MCM10: variants seen among roughly 807,000 people sequenced by gnomAD.
The protein encoded by MCM10 is minichromosome maintenance 10 replication initiation factor.
In MCM10, 91 loss-of-function variants were observed where a neutral mutation model predicts 109.9. The ratio of observed to expected loss-of-function variants is 0.83; its 90% confidence interval spans 0.70 to 0.99. MCM10 has a LOEUF of 0.99. Among genes scored for constraint, MCM10 ranks in the 50% least tolerant of loss-of-function variants. MCM10 has a pLI of 0.00. For missense variants in MCM10, 1,077 were observed against 1,061.2 expected (o/e 1.01, Z -0.21); for synonymous variants, 380 against 387.2 (o/e 0.98, Z 0.22).
At chr10:13,171,499 T>C (rs561864866) in intron 3 of MCM10, among the ~76,000 whole-genome samples, 1 of 152,344 alleles carries the variant, frequency 6.6e-6, no homozygotes, top group Admixed American at 6.5e-5. Flanking sequence ...CTGTACGGAA[T>C]GGCTCTGAAA....
chr10:13,209,159 G>T lies in MCM10; in HGVS notation c.2541+26G>T, dbSNP rs191376801. 10 of 1,609,704 alleles carry T rather than the reference G, an allele frequency of 6.2e-6. No homozygotes were observed. Among genetic ancestry groups the T allele is most frequent in the Admixed American group, 5.0e-5 (3 of 59,978 alleles). ...GTATGCCATTTGCGTACTAATTTTT[G>T]ACTCCTTTTAGTGACCCATGCTAAT... On this transcript the variant is annotated intron_variant, in intron 19 of 19. Transcript: ENST00000378714.
chr10:13,176,287 A>T (rs966474033), intron 6 of MCM10, among the ~76,000 whole-genome samples: 1 of 152,224 alleles, frequency 6.6e-6, no homozygotes, highest in Non-Finnish European at 1.5e-5. Context: ...AATATATTCC[A>T]AGCTCAATCC....
chr10:13,165,520 A>G (rs1397173980), intron 2 of MCM10, among the ~76,000 whole-genome samples: 2 of 152,220 alleles, frequency 1.3e-5, no homozygotes, highest in Non-Finnish European at 2.9e-5. Context: ...GTGAATGGAT[A>G]CCTGTTCTCT....
Position 13,192,954 on chromosome 10 carries a change from C to T in MCM10, c.1745+386C>T, listed in dbSNP as rs115659552. ...CAGCTGAAGTGCAATGCTGCAGTGTCGGCTCACTGCAACCTCCATGTCCCA... is the reference window on the plus strand; with the variant it reads ...CAGCTGAAGTGCAATGCTGCAGTGTTGGCTCACTGCAACCTCCATGTCCCA... On this transcript the variant is annotated intron_variant, in intron 13 of 19. Coordinates refer to ENST00000378714, the MANE Select transcript of MCM10 (RefSeq NM_018518.5). Among the ~76,000 whole-genome samples the T allele has an allele frequency of 3.3e-3, 502 of 151,874 alleles. 2 individuals carry two copies. The highest frequency in any genetic ancestry group is 0.011 in the African/African-American group (470 of 41,404).
chr10:13,192,614 A>C, intron 13 of MCM10, 46 bp downstream of exon 13: 1 of 1,544,032 alleles, frequency 6.5e-7, no homozygotes, highest in Non-Finnish European at 8.9e-7. Flanking sequence ...CATCCATCTC[A>C]GGCGTCCTCA....
chr10:13,203,715 G>A (rs1426564331), intron 17 of MCM10, among the ~76,000 whole-genome samples: 1 of 152,162 alleles, frequency 6.6e-6, no homozygotes, highest in Non-Finnish European at 1.5e-5. Flanking sequence ...AATTAAAAGT[G>A]AATTCCTCAA....
At chr10:13,207,705 C>T (rs547111614) in intron 18 of MCM10, among the ~76,000 whole-genome samples, 74 of 152,282 alleles carry the variant, frequency 4.9e-4, no homozygotes, top group Admixed American at 2.6e-3. Context: ...TCTTGCCTGC[C>T]GCCATGTAAG....
intron 6 of MCM10, among the ~76,000 whole-genome samples, chr10:13,179,380 GC>G (rs1476943733): frequency 1.3e-5 from 2 of 152,166 alleles, no homozygotes; most frequent in African/African-American, 2.4e-5. Flanking sequence ...GGTTCAGGCA[GC>G]TGACATACAC....
intron 14 of MCM10, among the ~76,000 whole-genome samples, chr10:13,196,931 T>A (rs1376277712): frequency 6.6e-6 from 1 of 151,246 alleles, no homozygotes; most frequent in Non-Finnish European, 1.5e-5. Flanking sequence ...TCTTTTTTTG[T>A]GTGTTTGTTT....
chr10:13,178,926 T>C (rs1834175035), intron 6 of MCM10, among the ~76,000 whole-genome samples: 1 of 152,214 alleles, frequency 6.6e-6, no homozygotes, highest in African/African-American at 2.4e-5. Flanking sequence ...TTTCACTTCT[T>C]TGGTTAAGTG....
Position 13,167,470 on chromosome 10 carries a change from G to C in MCM10, c.7+3261G>C, listed in dbSNP as rs1037947655. Among the ~76,000 whole-genome samples, 34 of 152,136 alleles carry C rather than the reference G, an allele frequency of 2.2e-4. 1 individual carries two copies. Among genetic ancestry groups the C allele is most frequent in the Admixed American group, 2.2e-3 (33 of 15,278 alleles). ...TGAGTTGGAGTTACTATGGGAGTGG[G>C]TAGCTAAGATGGGGAGTGGATGAGA... On this transcript the variant is annotated intron_variant, in intron 2 of 19. Coordinates refer to ENST00000378714, the MANE Select transcript of MCM10 (RefSeq NM_018518.5).
intron 9 of MCM10, among the ~76,000 whole-genome samples, chr10:13,186,805 A>G (rs1834280371): frequency 6.6e-6 from 1 of 152,132 alleles, no homozygotes; most frequent in Non-Finnish European, 1.5e-5. Context: ...TAGCCTGGCC[A>G]CCATGGTGAA....
rs575946530 is a variant in MCM10, at chr10:13,186,528, T to G, written c.1215+248T>G. Among the ~76,000 whole-genome samples the G allele has an allele frequency of 6.6e-5, 10 of 152,298 alleles. No homozygotes were observed. In the East Asian group the frequency reaches 1.9e-3, roughly 29 times the overall value. ...CTGACCAAGAAGTTTAAGACAGAAT[T>G]TTTGTTTGCCTTTAATTCTTGTAAT... On this transcript the variant is annotated intron_variant, in intron 9 of 19. Coordinates refer to ENST00000378714, the MANE Select transcript of MCM10 (RefSeq NM_018518.5).
intron 18 of MCM10, 176 bp downstream of exon 18, chr10:13,204,540 C>A: frequency 1.4e-6 from 1 of 695,142 alleles, no homozygotes; most frequent in Non-Finnish European, 2.3e-6. Flanking sequence ...GGGACCCTGC[C>A]CTTTCACTGC....
At chr10:13,179,292 C>T (rs560646066) in intron 6 of MCM10, among the ~76,000 whole-genome samples, 1 of 152,250 alleles carries the variant, frequency 6.6e-6, no homozygotes, top group South Asian at 2.1e-4. Flanking sequence ...CCCAGATATG[C>T]TCCAGAATGG....
chr10:13,178,657 G>C (rs1407525047), intron 6 of MCM10, among the ~76,000 whole-genome samples: 1 of 152,118 alleles, frequency 6.6e-6, no homozygotes, highest in African/African-American at 2.4e-5. Flanking sequence ...CTCCAGTTTT[G>C]TTCTTTTTGC....
intron 15 of MCM10, among the ~76,000 whole-genome samples, chr10:13,197,971 G>A (rs947850541): frequency 1.3e-5 from 2 of 150,342 alleles, no homozygotes; most frequent in African/African-American, 4.9e-5. Flanking sequence ...AGAGTGCAGT[G>A]GCGCAGTCTT....
At chr10:13,203,815 A>G (rs536112538) in intron 17 of MCM10, among the ~76,000 whole-genome samples, 17 of 152,204 alleles carry the variant, frequency 1.1e-4, no homozygotes, top group African/African-American at 4.1e-4. Context: ...AGAGCTGCTG[A>G]TCAGTCTAAA....
Position 13,204,305 on chromosome 10 carries a change from C to CA in MCM10, c.2442dup (p.Cys815MetfsTer20). On this transcript the variant is annotated frameshift_variant, in exon 18 of 20. Coordinates refer to ENST00000378714, the MANE Select transcript of MCM10 (RefSeq NM_018518.5). LOFTEE classifies it high-confidence loss of function. ...GGCATGATGGTGTGAAGAGGTTTTT[C>CA]AAATGTCCCTGTGGAAACAGAAGCA... 2.5e-6 allele frequency: 4 copies of CA among 1,614,204 alleles called. No homozygotes were observed. Among genetic ancestry groups the CA allele is most frequent in the Non-Finnish European group, 3.4e-6 (4 of 1,180,034 alleles).
Sources: gnomAD v4.1 joint callset for allele counts (sites outside exome capture counted in the v4.1 genomes callset) on GRCh38, gnomAD v4.1.1 for gene constraint, MANE v1.5 for transcripts, NCBI Gene and HGNC (gene_info 2026-07-23, HGNC 2026-07-21) for gene names.